Variants in ZNF548 observed in about 807,000 individuals in gnomAD.
ZNF548 encodes the protein zinc finger protein 548.
In ZNF548, 10 loss-of-function variants were observed where a neutral mutation model predicts 10.2. That is an observed-to-expected ratio of 0.98 (90% CI 0.60 to 1.66). The LOEUF (loss-of-function observed/expected upper bound fraction) is 1.66, where lower values mean the gene tolerates loss of function less well. Among genes scored for constraint, ZNF548 ranks in the 40% most tolerant of loss-of-function variants. The probability of loss-of-function intolerance (pLI) is 0.00; values close to 1 mark genes in which losing one functional copy is unlikely to be tolerated. For synonymous variants in ZNF548, 217 were observed against 223.5 expected, an observed-to-expected ratio of 0.97 and a Z score of 0.26; for missense variants, 599 against 657.0, an observed-to-expected ratio of 0.91 and a Z score of 0.97.
Position 57,394,050 on chromosome 19 carries a change from G to A in ZNF548, c.16-138G>A, listed in dbSNP as rs900285739. Reference sequence around the variant, plus strand: ...TCTTTTCCATGGTCACAGAGCTGCAGCACTGAGGCCTGAGGAACTTTATTC... The same window carrying A: ...TCTTTTCCATGGTCACAGAGCTGCAACACTGAGGCCTGAGGAACTTTATTC... On this transcript the variant is annotated intron_variant, in intron 1 of 3. Coordinates refer to ENST00000336128, the MANE Select transcript of ZNF548 (RefSeq NM_001172773.2). 55 of 877,698 alleles carry A rather than the reference G, an allele frequency of 6.3e-5. No individual in the cohort carries two copies. The African/African-American group carries it at 8.9e-4, about 14-fold the overall frequency. The allele number at this position is 877,698 out of a possible 1,614,324, so 54.4% of individuals were successfully genotyped here.
At chr19:57,396,016 A>G (rs2088662120) in intron 2 of ZNF548, among the ~76,000 whole-genome samples, 1 of 152,174 alleles carries the variant, frequency 6.6e-6, no homozygotes, top group Non-Finnish European at 1.5e-5. Flanking sequence ...AATGAATTGG[A>G]TGCTGAGCGT....
Position 57,399,796 on chromosome 19 carries a change from G to T in ZNF548, c.1545G>T (p.Arg515Ser), listed in dbSNP as rs777109518. ...VHHQKIHSEE[R>S]LVCSMNVGNS... ...ACCAGAAAATCCACAGTGAAGAGAG[G>T]CTTGTGTGCTCCATGAATGTGGGGA... The change falls in exon 4 of 4, where the codon AGG (arginine) becomes AGT (serine). Residue 515 changes from arginine (R) to serine (S), a missense_variant. Transcript: ENST00000336128. This position sits in a 1 kb window ranked among gnomAD's most constrained non-coding sequence, Gnocchi z 4.0. 1 of 1,613,972 alleles carries T rather than the reference G, an allele frequency of 6.2e-7. No homozygotes were observed. Among genetic ancestry groups the T allele is most frequent in the Admixed American group, 1.7e-5 (1 of 60,012 alleles).
chr19:57,392,449 G>A (rs538029533), intron 1 of ZNF548, among the ~76,000 whole-genome samples: 6 of 152,218 alleles, frequency 3.9e-5, no homozygotes, highest in Admixed American at 6.5e-5. Context: ...TTCATCTTGA[G>A]TTGATTTTTG....
chr19:57,399,886 T>C lies in ZNF548; in HGVS notation c.1635T>C (p.His545=), dbSNP rs1383198193. The C allele has an allele frequency of 1.5e-5, 23 of 1,584,288 alleles. No individual in the cohort carries two copies. Among genetic ancestry groups the C allele is most frequent in the Non-Finnish European group, 1.7e-5 (20 of 1,162,714 alleles). Residue 545 remains histidine (H), a synonymous_variant, in exon 4 of 4, where the codon CAT becomes CAC. Coordinates refer to ENST00000336128, the MANE Select transcript of ZNF548 (RefSeq NM_001172773.2). The surrounding 1 kb of genome is among the most constrained non-coding windows in gnomAD (Gnocchi z 4.0). ...IRDFTMEKVY[H] is the part of the protein sequence containing the mutation. Reference sequence around the variant, plus strand: ...ATTTCACAATGGAGAAAGTTTACCATTGACTATTGTAATTGGGTAGTAATG... The same window carrying C: ...ATTTCACAATGGAGAAAGTTTACCACTGACTATTGTAATTGGGTAGTAATG...
rs1284585923 is a variant in ZNF548 at position 57,400,138 on chromosome 19, C to CT, written c.*253dup. ...TATAAGTGGATTCTACAGTATTTAT[C>CT]TTTTGAGACTGGCTTATTTCACTTA... On this transcript the variant is annotated 3_prime_UTR_variant, in exon 4 of 4. Transcript: ENST00000336128. The CT allele has an allele frequency of 7.5e-6, 3 of 401,252 alleles. No homozygotes were observed. Among genetic ancestry groups the CT allele is most frequent in the African/African-American group, 6.0e-5 (3 of 50,018 alleles). 24.9% of individuals were successfully genotyped at this position (401,252 alleles called of 1,614,324 possible). A position where few individuals can be genotyped will look rare whatever the true frequency, so the allele number is the denominator to read the frequency against.
intron 1 of ZNF548, chr19:57,390,333 GGT>G (rs964349337): frequency 9.8e-5 from 43 of 437,430 alleles, no homozygotes; most frequent in African/African-American, 7.2e-4. Context: ...GGGCGTCAGG[GGT>G]GTGTGTTGTT....
intron 3 of ZNF548, among the ~76,000 whole-genome samples, chr19:57,398,184 A>C (rs2123044581): frequency 6.6e-6 from 1 of 152,292 alleles, no homozygotes. Context: ...AGTGAGTTGG[A>C]GACCCTGCCT....
chr19:57,401,038 T>C lies in ZNF548; in HGVS notation c.*1149T>C, dbSNP rs757809165. 2.0e-5 allele frequency: 3 copies of C among 152,246 alleles called. No individual in the cohort carries two copies. The highest frequency in any genetic ancestry group is 4.8e-5 in the African/African-American group (2 of 41,470). 9.4% of individuals were successfully genotyped at this position (152,246 alleles called of 1,614,324 possible). A position where few individuals can be genotyped will look rare whatever the true frequency, so the allele number is the denominator to read the frequency against. ...TGGAAAAATATTCAAGTCTTTTTTT[T>C]CCATTTTTAATGGGACTATTTGCTT... On this transcript the variant is annotated 3_prime_UTR_variant, in exon 4 of 4. Transcript: ENST00000336128.
Position 57,397,189 on chromosome 19 carries a change from C to T in ZNF548, c.178+15C>T. On this transcript the variant is annotated intron_variant, in intron 3 of 3. Transcript: ENST00000336128. ...GTCCTCACTAGGTAAGGCCCTCACA[C>T]TTGCCCAGTGTCCTGGGTTAGGCTG... The T allele has an allele frequency of 6.3e-7, 1 of 1,587,434 alleles. No homozygotes were observed. Among genetic ancestry groups the T allele is most frequent in the Non-Finnish European group, 8.6e-7 (1 of 1,165,982 alleles).
Position 57,401,912 on chromosome 19 carries a change from T to C in ZNF548, c.*2023T>C, listed in dbSNP as rs2088720538. 6.6e-6 allele frequency: 1 copy of C among 152,100 alleles called. No homozygotes were observed. The highest frequency in any genetic ancestry group is 2.4e-5 in the African/African-American group (1 of 41,406). The allele number at this position is 152,100 out of a possible 1,614,324, so 9.4% of individuals were successfully genotyped here. Reference sequence around the variant, plus strand: ...CACCACCACACCTGGCTAATTTTTGTATTTTTAGTAGAGATGGGGTTTTGC... The same window carrying C: ...CACCACCACACCTGGCTAATTTTTGCATTTTTAGTAGAGATGGGGTTTTGC... On this transcript the variant is annotated 3_prime_UTR_variant, in exon 4 of 4. Transcript: ENST00000336128.
chr19:57,393,478 T>G (rs2088641215), intron 1 of ZNF548, among the ~76,000 whole-genome samples: 1 of 150,788 alleles, frequency 6.6e-6, no homozygotes, highest in Non-Finnish European at 1.5e-5. Context: ...CTGACCAACA[T>G]GGAGAAACCC....
intron 1 of ZNF548, chr19:57,393,029 C>A: frequency 1.1e-6 from 1 of 951,256 alleles, no homozygotes; most frequent in South Asian, 4.8e-5. Flanking sequence ...ACCCTCAGGG[C>A]CACTCTCTGT....
Position 57,401,358 on chromosome 19 carries a change from C to G in ZNF548, c.*1469C>G, listed in dbSNP as rs2088715154. 6.6e-6 allele frequency: 1 copy of G among 152,160 alleles called. No homozygotes were observed. The highest frequency in any genetic ancestry group is 2.1e-4 in the South Asian group (1 of 4,836). The allele number at this position is 152,160 out of a possible 1,614,324, so 9.4% of individuals were successfully genotyped here. Reference sequence around the variant, plus strand: ...TAGTTGCATCTGTACTAAACATGAACAGACATTTTTTCTTGTCATTATTCC... The same window carrying G: ...TAGTTGCATCTGTACTAAACATGAAGAGACATTTTTTCTTGTCATTATTCC... On this transcript the variant is annotated 3_prime_UTR_variant, in exon 4 of 4. Transcript: ENST00000336128.
rs545799590 is a variant in ZNF548, at chr19:57,393,542, C to T, written c.16-646C>T. On this transcript the variant is annotated intron_variant, in intron 1 of 3. Coordinates refer to ENST00000336128, the MANE Select transcript of ZNF548 (RefSeq NM_001172773.2). ...GGGTGTGGTGGCGCATGCCTGTAAT[C>T]CCAGCTTCTCAGGAGGCTGAGGCAG... is the stretch of plus-strand genomic sequence containing the variant. Among the ~76,000 whole-genome samples, 11 of 151,762 alleles carry T rather than the reference C, an allele frequency of 7.2e-5. No individual in the cohort carries two copies. The South Asian group carries it at 2.3e-3, about 32-fold the overall frequency.
chr19:57,391,809 T>C (rs1011602922), intron 1 of ZNF548, among the ~76,000 whole-genome samples: 2 of 148,310 alleles, frequency 1.3e-5, no homozygotes, highest in African/African-American at 5.0e-5. Context: ...TTTTTTTTTT[T>C]TTGAAATGGA....
At position 57,399,815 on chromosome 19, in the gene ZNF548, G is replaced by A. The variant is rs376949382; in HGVS notation, c.1564G>A (p.Val522Met). The A allele has an allele frequency of 2.5e-6, 4 of 1,613,794 alleles. No homozygotes were observed. The highest frequency in any genetic ancestry group is 3.3e-5 in the Admixed American group (2 of 59,994). Residue 522 changes from valine to methionine, a missense_variant, in exon 4 of 4, where the codon GTG (valine) becomes ATG (methionine). Val to Met is a conservative substitution (Grantham distance 21). Coordinates refer to ENST00000336128, the MANE Select transcript of ZNF548 (RefSeq NM_001172773.2). This position sits in a 1 kb window ranked among gnomAD's most constrained non-coding sequence, Gnocchi z 4.0. ...AGAGAGGCTTGTGTGCTCCATGAAT[G>A]TGGGGAATTCTTTAGCTAAAACTCC... ...SEERLVCSMN[V>M]GNSLAKTPTS...
At chr19:57,396,990 T>C in intron 2 of ZNF548, 58 bp from the exon 3 acceptor site, 1 of 1,551,676 alleles carries the variant, frequency 6.4e-7, no homozygotes, top group Non-Finnish European at 8.7e-7. Flanking sequence ...ATAGAGAACT[T>C]AAGTAAATAC....
chr19:57,399,786 G>A lies in ZNF548; in HGVS notation c.1535G>A (p.Ser512Asn). ...CTGGTTCATCACCAGAAAATCCACA[G>A]TGAAGAGAGGCTTGTGTGCTCCATG... ...SHLVHHQKIH[S>N]EERLVCSMNV... The change falls in exon 4 of 4, where the codon AGT (serine) becomes AAT (asparagine). Residue 512 changes from serine to asparagine, a missense_variant. Transcript: ENST00000336128. This position sits in a 1 kb window ranked among gnomAD's most constrained non-coding sequence, Gnocchi z 4.0. 6.2e-7 allele frequency: 1 copy of A among 1,614,074 alleles called. No individual in the cohort carries two copies. Among genetic ancestry groups the A allele is most frequent in the Non-Finnish European group, 8.5e-7 (1 of 1,179,928 alleles).
At chr19:57,390,881 A>G (rs2088618984) in intron 1 of ZNF548, 1 of 152,298 alleles carries the variant, frequency 6.6e-6, no homozygotes, top group Admixed American at 6.5e-5. Flanking sequence ...GGTTGGCGAT[A>G]CCAGACGGAT....
Sources: allele counts gnomAD v4.1 joint callset (sites outside exome capture counted in the v4.1 genomes callset), GRCh38; gene constraint gnomAD v4.1.1; non-coding constraint Gnocchi (gnomAD v3.1); transcripts MANE v1.5; gene names NCBI Gene and HGNC (gene_info 2026-07-23, HGNC 2026-07-21).